The following PDE8A variants were observed in gnomAD, a reference collection of about 807,000 sequenced individuals.
PDE8A encodes phosphodiesterase 8A, also known as high affinity cAMP-specific and IBMX-insensitive 3',5'-cyclic phosphodiesterase 8A.
PDE8A carries 59 observed loss-of-function variants against 105.0 expected under a neutral mutation model. The observed-to-expected ratio is 0.56, with a 90% CI of 0.46 to 0.70. The LOEUF (loss-of-function observed/expected upper bound fraction) is 0.70, where lower values mean the gene tolerates loss of function less well. PDE8A is among the 30% of genes least tolerant of loss of function. The probability of loss-of-function intolerance (pLI) is 0.00; values close to 1 mark genes in which losing one functional copy is unlikely to be tolerated. For synonymous variants in PDE8A, 355 were observed against 371.9 expected, an observed-to-expected ratio of 0.95 and a Z score of 0.52; for missense variants, 1,014 against 1,045.9, an observed-to-expected ratio of 0.97 and a Z score of 0.42.
rs16974676 is a variant in PDE8A at position 84,988,290 on chromosome 15, T to C, written c.186+5942T>C. Among the ~76,000 whole-genome samples, 1,518 of 152,340 alleles carry C rather than the reference T, an allele frequency of 1.0e-2. 29 individuals are homozygous for C. Among genetic ancestry groups the C allele is most frequent in the African/African-American group, 0.034 (1,432 of 41,570 alleles). On this transcript the variant is annotated intron_variant, in intron 1 of 21. Coordinates refer to ENST00000394553, the MANE Select transcript of PDE8A (RefSeq NM_002605.3). The stretch of plus-strand genomic sequence containing the variant: ...TCATTGCATTTCCCATTCTTTGGTC[T>C]TCTGCTAAGCTACAGATTTCACAGG...
chr15:85,033,725 C>T (rs1381582978), intron 1 of PDE8A, among the ~76,000 whole-genome samples: 10 of 151,794 alleles, frequency 6.6e-5, no homozygotes, highest in African/African-American at 2.4e-4. Flanking sequence ...ATTAGCTGGG[C>T]GTGGTGGCGG....
At chr15:85,016,443 C>A (rs1487509438) in intron 1 of PDE8A, among the ~76,000 whole-genome samples, 1 of 152,110 alleles carries the variant, frequency 6.6e-6, no homozygotes, top group Non-Finnish European at 1.5e-5. Flanking sequence ...GTTCATTCCC[C>A]CACACTAATT....
At position 85,036,782 on chromosome 15, in the gene PDE8A, A is replaced by G. The variant is rs77034619; in HGVS notation, c.187-27588A>G. Among the ~76,000 whole-genome samples the G allele has an allele frequency of 6.5e-3, 985 of 152,306 alleles. 17 individuals are homozygous for G. The highest frequency in any genetic ancestry group is 0.023 in the African/African-American group (939 of 41,562). On this transcript the variant is annotated intron_variant, in intron 1 of 21. Coordinates refer to ENST00000394553, the MANE Select transcript of PDE8A (RefSeq NM_002605.3). ...ACACAGTAGAAGAATCTCTAGAGAC[A>G]TCACAAAAATGCTTTTTTAGAGAAA...
intron 1 of PDE8A, among the ~76,000 whole-genome samples, chr15:84,998,424 A>G (rs886231312): frequency 1.3e-4 from 20 of 152,230 alleles, no homozygotes; most frequent in African/African-American, 3.6e-4. Context: ...AGGCTTTACT[A>G]TATCAGAAGC....
intron 12 of PDE8A, among the ~76,000 whole-genome samples, chr15:85,109,976 C>A (rs28626509): frequency 0.012 from 1,788 of 152,296 alleles, 39 homozygotes; most frequent in African/African-American, 0.041. Context: ...GTCCAAGTCC[C>A]AGCTTCATCT....
chr15:85,026,162 C>T (rs2080512700), intron 1 of PDE8A, among the ~76,000 whole-genome samples: 1 of 152,150 alleles, frequency 6.6e-6, no homozygotes, highest in South Asian at 2.1e-4. Context: ...GTGAAACAAA[C>T]CACCCCAAAC....
intron 1 of PDE8A, among the ~76,000 whole-genome samples, chr15:85,014,193 C>A (rs979991496): frequency 6.6e-6 from 1 of 151,836 alleles, no homozygotes; most frequent in Non-Finnish European, 1.5e-5. Context: ...GGCTACCAGG[C>A]TGGAGTGCAG....
At chr15:85,092,325 GTTGT>G (rs1308835237) in intron 8 of PDE8A, among the ~76,000 whole-genome samples, 1 of 135,728 alleles carries the variant, frequency 7.4e-6, no homozygotes, top group African/African-American at 3.3e-5. Context: ...TTTTTTTGTT[GTTGT>G]TTTTTTTTGT....
chr15:84,991,685 A>C (rs2079887770), intron 1 of PDE8A, among the ~76,000 whole-genome samples: 1 of 152,234 alleles, frequency 6.6e-6, no homozygotes, highest in Non-Finnish European at 1.5e-5. Context: ...TGTAAAACCC[A>C]AATGTCCATT....
intron 12 of PDE8A, among the ~76,000 whole-genome samples, chr15:85,110,146 G>A (rs1054079841): frequency 6.6e-5 from 10 of 152,156 alleles, no homozygotes; most frequent in African/African-American, 2.2e-4. Context: ...AGCTGCCATC[G>A]TCATCTTCAT....
chr15:85,125,025 T>C (rs2082238592), intron 19 of PDE8A, among the ~76,000 whole-genome samples: 1 of 152,192 alleles, frequency 6.6e-6, no homozygotes, highest in Admixed American at 6.5e-5. Flanking sequence ...AGGCTGGCAG[T>C]ATGAAACTAT....
chr15:85,071,716 G>A (rs2081313649), intron 3 of PDE8A, among the ~76,000 whole-genome samples: 1 of 152,166 alleles, frequency 6.6e-6, no homozygotes, highest in Non-Finnish European at 1.5e-5. Context: ...CAGTGAAGAG[G>A]TGCTAAGGAA....
At chr15:84,992,930 A>G (rs2079908600) in intron 1 of PDE8A, among the ~76,000 whole-genome samples, 2 of 152,206 alleles carry the variant, frequency 1.3e-5, no homozygotes, top group African/African-American at 2.4e-5. Flanking sequence ...AAGAAGCAGA[A>G]ATTCAGAGAT....
chr15:85,132,032 T>C (rs1229768700), intron 20 of PDE8A, among the ~76,000 whole-genome samples: 1 of 152,242 alleles, frequency 6.6e-6, no homozygotes, highest in Non-Finnish European at 1.5e-5. Flanking sequence ...TTTGACTGTT[T>C]GGTTATAGTG....
intron 1 of PDE8A, among the ~76,000 whole-genome samples, chr15:85,031,383 C>T (rs766252267): frequency 2.0e-5 from 3 of 152,108 alleles, no homozygotes; most frequent in East Asian, 1.9e-4. Context: ...ATCTGTGTGC[C>T]GTCAAAAACC....
chr15:85,103,238 AAGAC>A (rs1013734857), intron 11 of PDE8A, among the ~76,000 whole-genome samples: 2 of 152,150 alleles, frequency 1.3e-5, no homozygotes, highest in African/African-American at 4.8e-5. Context: ...AAAAAGTTGA[AAGAC>A]AGCCTAGAGT....
chr15:85,131,310 C>T (rs2141649427), intron 20 of PDE8A, among the ~76,000 whole-genome samples: 1 of 152,200 alleles, frequency 6.6e-6, no homozygotes, highest in South Asian at 2.1e-4. Flanking sequence ...AGACTTTTGC[C>T]ACTTTGTTAG....
At chr15:85,127,730 C>T (rs187306116) in intron 20 of PDE8A, among the ~76,000 whole-genome samples, 51 of 152,242 alleles carry the variant, frequency 3.3e-4, no homozygotes, top group African/African-American at 1.2e-3. Context: ...TCAGTGTTAA[C>T]ATTCACTTCT....
intron 12 of PDE8A, among the ~76,000 whole-genome samples, chr15:85,112,320 A>G (rs2082032923): frequency 6.6e-6 from 1 of 152,204 alleles, no homozygotes; most frequent in African/African-American, 2.4e-5. Flanking sequence ...CTTAAAATCT[A>G]CCTTTAGCAA....
Sources: gnomAD v4.1 joint callset for allele counts (sites outside exome capture counted in the v4.1 genomes callset) on GRCh38, gnomAD v4.1.1 for gene constraint, MANE v1.5 for transcripts, NCBI Gene and HGNC (gene_info 2026-07-23, HGNC 2026-07-21) for gene names.